Variants in MIOS observed in about 807,000 individuals in gnomAD.
The protein encoded by MIOS is meiosis regulator for oocyte development.
MIOS carries 52 observed loss-of-function variants against 96.9 expected under a neutral mutation model. That is an observed-to-expected ratio of 0.54 (90% CI 0.43 to 0.68). The LOEUF (loss-of-function observed/expected upper bound fraction) is 0.68, where lower values mean the gene tolerates loss of function less well. Among genes scored for constraint, MIOS ranks in the 30% least tolerant of loss-of-function variants. The pLI is 0.00. For missense variants in MIOS, 1,005 were observed against 1,052.8 expected, an observed-to-expected ratio of 0.95 and a Z score of 0.63; for synonymous variants, 397 against 359.5, an observed-to-expected ratio of 1.10 and a Z score of -1.18.
intron 9 of MIOS, among the ~76,000 whole-genome samples, chr7:7,592,738 C>T (rs373855445): frequency 9.9e-5 from 15 of 152,166 alleles, no homozygotes; most frequent in South Asian, 4.2e-4. Context: ...AATCTAATGC[C>T]ACCACTGATC....
At chr7:7,597,459 C>G (rs1292654175) in intron 11 of MIOS, among the ~76,000 whole-genome samples, 4 of 87,084 alleles carry the variant, frequency 4.6e-5, no homozygotes, top group African/African-American at 1.7e-4. Context: ...TGTCAGTTAC[C>G]TAGTAAATTT....
Position 7,573,299 on chromosome 7 carries a change from G to A in MIOS, c.824G>A (p.Trp275Ter). 6.2e-7 allele frequency: 1 copy of A among 1,614,032 alleles called. No homozygotes were observed. Among genetic ancestry groups the A allele is most frequent in the Non-Finnish European group, 8.5e-7 (1 of 1,179,950 alleles). ...CCAAAACCCTTAACAAAAGTAGCATGGTGTCCCACTAGGACTGGTCTACTT... is the reference window on the plus strand; with the variant it reads ...CCAAAACCCTTAACAAAAGTAGCATAGTGTCCCACTAGGACTGGTCTACTT... ...EQPKPLTKVA[W>*]CPTRTGLLAT... The change falls in exon 4 of 13, where the codon TGG becomes TAG. Residue 275 changes from tryptophan to a stop codon, truncating the protein, a stop_gained. Transcript: ENST00000340080. LOFTEE classifies it high-confidence loss of function. The surrounding 1 kb of genome is among the most constrained non-coding windows in gnomAD (Gnocchi z 5.0).
At chr7:7,570,546 C>G (rs533335751) in intron 3 of MIOS, among the ~76,000 whole-genome samples, 2 of 152,064 alleles carry the variant, frequency 1.3e-5, no homozygotes, top group Admixed American at 6.6e-5. Context: ...TTACATTGTA[C>G]TATACAATGA....
intron 11 of MIOS, among the ~76,000 whole-genome samples, 159 bp downstream of exon 11, chr7:7,596,620 A>G (rs1019198210): frequency 3.9e-5 from 6 of 152,250 alleles, no homozygotes; most frequent in Non-Finnish European, 8.8e-5. Flanking sequence ...TTTATGAACT[A>G]TGAAAACTAA....
chr7:7,591,564 G>A (rs1784049623), intron 9 of MIOS, among the ~76,000 whole-genome samples: 1 of 152,162 alleles, frequency 6.6e-6, no homozygotes, highest in African/African-American at 2.4e-5. Flanking sequence ...ACAGGCATGA[G>A]CCACCACGCC....
intron 10 of MIOS, among the ~76,000 whole-genome samples, chr7:7,595,421 C>A (rs1784175614): frequency 6.6e-6 from 1 of 152,074 alleles, no homozygotes; most frequent in African/African-American, 2.4e-5. Context: ...CTTATAAATT[C>A]CACTTGTGTA....
intron 6 of MIOS, among the ~76,000 whole-genome samples, chr7:7,584,116 C>T (rs1460550554): frequency 2.6e-5 from 4 of 151,938 alleles, no homozygotes; most frequent in Non-Finnish European, 5.9e-5. Context: ...CTTGCTGGTC[C>T]ATTTTGAAAC....
At chr7:7,604,366 T>C (rs1028765852) in intron 11 of MIOS, among the ~76,000 whole-genome samples, 2 of 152,038 alleles carry the variant, frequency 1.3e-5, no homozygotes, top group Admixed American at 6.6e-5. Context: ...AGAGTTGATA[T>C]TTTTATACTC....
Position 7,605,919 on chromosome 7 carries a change from A to C in MIOS, c.2402-23A>C, listed in dbSNP as rs767604916. The stretch of plus-strand genomic sequence containing the variant: ...ATAAAATATTATGATATAGTTAATG[A>C]AGATCATTTTATTTTGTCATAGGAG... On this transcript the variant is annotated intron_variant, in intron 11 of 12. Coordinates refer to ENST00000340080, the MANE Select transcript of MIOS (RefSeq NM_019005.4). 1.4e-5 allele frequency: 23 copies of C among 1,604,452 alleles called. No homozygotes were observed. In the East Asian group the frequency reaches 4.5e-4, roughly 31 times the overall value.
rs1161859756 is a variant in MIOS at position 7,589,495 on chromosome 7, G to A, written c.1975G>A (p.Val659Met). ...GCTTACAGGCCTTACTAAAGATGGA[G>A]TGGACTTAATGGAGAGTTATGTTGA... is the stretch of plus-strand genomic sequence containing the variant. ...ILLTGLTKDG[V>M]DLMESYVDRT... The change falls in exon 9 of 13, where the codon GTG becomes ATG. Residue 659 changes from valine (V) to methionine (M), a missense_variant. By Grantham distance (21) the Val-to-Met change is conservative. Coordinates refer to ENST00000340080, the MANE Select transcript of MIOS (RefSeq NM_019005.4). 6.8e-6 allele frequency: 11 copies of A among 1,613,612 alleles called. 1 individual carries two copies. Among genetic ancestry groups the A allele is most frequent in the Non-Finnish European group, 9.3e-6 (11 of 1,179,770 alleles).
At chr7:7,597,920 T>C (rs1310086934) in intron 11 of MIOS, among the ~76,000 whole-genome samples, 2 of 152,054 alleles carry the variant, frequency 1.3e-5, no homozygotes, top group Admixed American at 6.5e-5. Context: ...CTGCCTCAGC[T>C]TCCCAAAGTG....
chr7:7,583,736 T>C (rs927864457), intron 6 of MIOS, among the ~76,000 whole-genome samples: 1 of 152,186 alleles, frequency 6.6e-6, no homozygotes, highest in Non-Finnish European at 1.5e-5. Flanking sequence ...TTACGATCCA[T>C]ATTTGAGTGT....
Position 7,594,999 on chromosome 7 carries a change from T to C in MIOS, c.2063T>C (p.Leu688Pro), listed in dbSNP as rs758084817. 1.2e-6 allele frequency: 2 copies of C among 1,606,938 alleles called. No homozygotes were observed. The highest frequency in any genetic ancestry group is 4.5e-5 in the East Asian group (2 of 44,762). The stretch of plus-strand genomic sequence containing the variant: ...TTTTAGGGTTCACCTTTAGATGTTC[T>C]TAAAGATGAAAGGGTTCAGTACTGG... ...CMLQGSPLDV[L>P]KDERVQYWIE... is the part of the protein sequence containing the mutation. Residue 688 changes from leucine (L) to proline (P), a missense_variant, in exon 10 of 13, where the codon CTT becomes CCT. By Grantham distance (98) the Leu-to-Pro change is moderately conservative (BLOSUM62 -3). Around this residue, in one of 3 missense-constraint regions of MIOS, gnomAD observed 865 missense variants for 887.9 expected, o/e 0.97. Coordinates refer to ENST00000340080, the MANE Select transcript of MIOS (RefSeq NM_019005.4).
At chr7:7,578,629 C>T (rs1330216396) in intron 5 of MIOS, among the ~76,000 whole-genome samples, 1 of 152,048 alleles carries the variant, frequency 6.6e-6, no homozygotes, top group Non-Finnish European at 1.5e-5. Context: ...TTAGTTACTA[C>T]ATAGATATTA....
chr7:7,578,931 A>G (rs772382064), intron 5 of MIOS, among the ~76,000 whole-genome samples: 6 of 152,082 alleles, frequency 3.9e-5, no homozygotes, highest in African/African-American at 7.2e-5. Context: ...GGCTGGTCTC[A>G]AACTCCTAAC....
In MIOS at chr7:7,589,583, A is replaced by G; in HGVS notation, c.2043+20A>G. ...TTACAGGTCAGTGCAGTTTGACAGC[A>G]GCTTTTAAAAAAGTAACAATATTCT... On this transcript the variant is annotated intron_variant, in intron 9 of 12. Transcript: ENST00000340080. 6.4e-7 allele frequency: 1 copy of G among 1,559,752 alleles called. No homozygotes were observed. Among genetic ancestry groups the G allele is most frequent in the East Asian group, 2.3e-5 (1 of 44,166 alleles).
chr7:7,589,621 C>G lies in MIOS; in HGVS notation c.2043+58C>G, dbSNP rs553331368. On this transcript the variant is annotated intron_variant, in intron 9 of 12. Coordinates refer to ENST00000340080, the MANE Select transcript of MIOS (RefSeq NM_019005.4). ...GTAACAATATTCTATATTTTCTTTC[C>G]TCAGTTGAAAGTAAATATGCACTTT... The G allele has an allele frequency of 7.4e-5, 114 of 1,532,912 alleles. No individual in the cohort carries two copies. The African/African-American group carries it at 1.5e-3, about 20-fold the overall frequency. 95.0% of individuals were successfully genotyped at this position (1,532,912 alleles called of 1,614,324 possible).
At chr7:7,582,632 A>G (rs1783766658) in intron 5 of MIOS, 8 of 979,084 alleles carry the variant, frequency 8.2e-6, no homozygotes, top group Non-Finnish European at 9.7e-6. Flanking sequence ...ATGTACAGAG[A>G]AAGAAGGAAG....
chr7:7,608,921 G>C lies in MIOS; in HGVS notation c.*1829G>C, dbSNP rs1362860941. ...TGTGTCAACCTCTTAAATGTTTTCT[G>C]TGAAGCCCAAACATGCAGTTTATGT... On this transcript the variant is annotated 3_prime_UTR_variant, in exon 13 of 13. Transcript: ENST00000340080. 6.6e-6 allele frequency: 1 copy of C among 151,988 alleles called. No homozygotes were observed. The highest frequency in any genetic ancestry group is 1.5e-5 in the Non-Finnish European group (1 of 67,946). 9.4% of individuals were successfully genotyped at this position (151,988 alleles called of 1,614,324 possible). A position where few individuals can be genotyped will look rare whatever the true frequency, so the allele number is the denominator to read the frequency against.
Sources: allele counts gnomAD v4.1 joint callset (sites outside exome capture counted in the v4.1 genomes callset), GRCh38; gene constraint gnomAD v4.1.1; regional missense constraint gnomAD v4.1.1; non-coding constraint Gnocchi (gnomAD v3.1); transcripts MANE v1.5; gene names NCBI Gene and HGNC (gene_info 2026-07-23, HGNC 2026-07-21).